Variants in KHDRBS2 observed in about 807,000 individuals in gnomAD.
The protein encoded by KHDRBS2 is KH domain-containing, RNA-binding, signal transduction-associated protein 2.
KHDRBS2 carries 26 observed loss-of-function variants against 44.3 expected under a neutral mutation model. That is an observed-to-expected ratio of 0.59 (90% CI 0.43 to 0.81). The LOEUF is 0.81. Among genes scored for constraint, KHDRBS2 ranks in the 40% least tolerant of loss-of-function variants. The pLI, the probability that KHDRBS2 is intolerant of heterozygous loss-of-function variation, is 0.00. For synonymous variants in KHDRBS2, 194 were observed against 151.1 expected, an observed-to-expected ratio of 1.28 and a Z score of -2.08; for missense variants, 476 against 433.1, an observed-to-expected ratio of 1.10 and a Z score of -0.88.
At chr6:61,696,922 A>T (rs1767970720) in intron 8 of KHDRBS2, among the ~76,000 whole-genome samples, 1 of 152,190 alleles carries the variant, frequency 6.6e-6, no homozygotes, top group African/African-American at 2.4e-5. Flanking sequence ...CAATGAACAC[A>T]GTTAAACATA....
intron 1 of KHDRBS2, among the ~76,000 whole-genome samples, chr6:62,225,084 C>T (rs1311181927): frequency 2.0e-5 from 3 of 152,076 alleles, no homozygotes; most frequent in Non-Finnish European, 4.4e-5. Flanking sequence ...GAAGGTGCTA[C>T]CAGGATCTAG....
intron 2 of KHDRBS2, among the ~76,000 whole-genome samples, chr6:62,062,941 G>C (rs904700360): frequency 6.7e-6 from 1 of 150,298 alleles, no homozygotes; most frequent in Admixed American, 6.6e-5. Flanking sequence ...AAATGATAAA[G>C]GGGATATCAC....
intron 4 of KHDRBS2, among the ~76,000 whole-genome samples, chr6:61,919,761 C>T (rs190229421): frequency 6.6e-6 from 1 of 151,740 alleles, no homozygotes; most frequent in African/African-American, 2.4e-5. Context: ...ACCATCACAC[C>T]TTTCAAATTT....
intron 2 of KHDRBS2, among the ~76,000 whole-genome samples, chr6:62,084,590 T>G (rs1022741575): frequency 1.3e-5 from 2 of 152,146 alleles, no homozygotes; most frequent in African/African-American, 4.8e-5. Context: ...TGGGGCTATC[T>G]CAAGGCATGA....
At chr6:61,826,455 T>C (rs1790876960) in intron 6 of KHDRBS2, among the ~76,000 whole-genome samples, 1 of 152,090 alleles carries the variant, frequency 6.6e-6, no homozygotes, top group Non-Finnish European at 1.5e-5. Flanking sequence ...TGGCTGCTTT[T>C]ACAGATTTCT....
At chr6:61,601,493 T>G in the KHDRBS2 span, among the ~76,000 whole-genome samples, 1 of 152,146 alleles carries the variant, frequency 6.6e-6, no homozygotes, top group African/African-American at 2.4e-5. Flanking sequence ...ATAATGGCAC[T>G]TTCAATTTTT....
intron 1 of KHDRBS2, among the ~76,000 whole-genome samples, chr6:62,190,110 G>A (rs1329906419): frequency 6.6e-6 from 1 of 152,038 alleles, no homozygotes; most frequent in Non-Finnish European, 1.5e-5. Context: ...GAAGTAAGAA[G>A]GGGCAATGAA....
chr6:62,064,423 C>T (rs1562766901), intron 2 of KHDRBS2, among the ~76,000 whole-genome samples: 1 of 147,780 alleles, frequency 6.8e-6, no homozygotes, highest in Admixed American at 6.8e-5. Context: ...GTACTGGTAC[C>T]AAAACAGAGA....
intron 3 of KHDRBS2, among the ~76,000 whole-genome samples, chr6:62,034,462 A>G (rs935368660): frequency 1.3e-5 from 2 of 151,830 alleles, no homozygotes; most frequent in African/African-American, 4.8e-5. Flanking sequence ...CATTAAAAAG[A>G]TCATTCATCA....
chr6:61,622,004 G>C, the KHDRBS2 span, among the ~76,000 whole-genome samples: 1 of 152,194 alleles, frequency 6.6e-6, no homozygotes, highest in Non-Finnish European at 1.5e-5. Flanking sequence ...CAGCCTGAAT[G>C]AGCTTGGAAG....
intron 7 of KHDRBS2, among the ~76,000 whole-genome samples, chr6:61,717,812 T>C (rs1490586393): frequency 6.6e-6 from 1 of 152,084 alleles, no homozygotes. Context: ...GGTCAGAACT[T>C]TTTGCAAAGC....
chr6:61,967,204 CAAAAAAAA>C (rs57036975), intron 4 of KHDRBS2, among the ~76,000 whole-genome samples: 1 of 123,662 alleles, frequency 8.1e-6, no homozygotes, highest in Non-Finnish European at 1.7e-5. Flanking sequence ...ACTATGTTTA[CAAAAAAAA>C]AAAAAAAAAA....
intron 4 of KHDRBS2, among the ~76,000 whole-genome samples, chr6:61,960,819 G>A (rs1312128710): frequency 6.6e-6 from 1 of 152,132 alleles, no homozygotes; most frequent in Non-Finnish European, 1.5e-5. Context: ...ATGAGGTAAA[G>A]AGTAGAAGAA....
intron 2 of KHDRBS2, among the ~76,000 whole-genome samples, chr6:62,054,974 C>A (rs78569446): frequency 0.078 from 11,797 of 151,982 alleles, 496 homozygotes; most frequent in African/African-American, 0.095. Context: ...AAATTAATTC[C>A]TACATCATAA....
chr6:61,732,362 A>G (rs1012007108), intron 7 of KHDRBS2, among the ~76,000 whole-genome samples: 13 of 152,150 alleles, frequency 8.5e-5, no homozygotes, highest in African/African-American at 3.1e-4. Context: ...AGCTACATTG[A>G]ACAAGTGCCT....
chr6:61,796,398 C>G lies in KHDRBS2; in HGVS notation c.811-63634G>C, dbSNP rs570505760. Among the ~76,000 whole-genome samples, 80 of 151,940 alleles carry G rather than the reference C, an allele frequency of 5.3e-4. 2 individuals are homozygous for G. The South Asian group carries it at 0.016, about 31-fold the overall frequency. On this transcript the variant is annotated intron_variant, in intron 6 of 8. Transcript: ENST00000281156. ...GTGCCCTATAGCATTCAACATATAT[C>G]TTTCAGTGATGTACTTATTCAAAAA...
intron 2 of KHDRBS2, among the ~76,000 whole-genome samples, chr6:62,084,175 G>T (rs1797970456): frequency 6.6e-6 from 1 of 152,036 alleles, no homozygotes; most frequent in South Asian, 2.1e-4. Context: ...TGGTATCTTT[G>T]TATAATATTG....
chr6:61,735,869 T>C (rs189988808), intron 6 of KHDRBS2, among the ~76,000 whole-genome samples: 1 of 152,234 alleles, frequency 6.6e-6, no homozygotes, highest in Admixed American at 6.5e-5. Context: ...TATTCCATGT[T>C]AAAGTTGAGA....
At chr6:61,937,105 C>T (rs1811166944) in intron 4 of KHDRBS2, among the ~76,000 whole-genome samples, 1 of 151,898 alleles carries the variant, frequency 6.6e-6, no homozygotes. Flanking sequence ...ATTTTCTCTT[C>T]ATCTCATGGT....
Sources: allele counts gnomAD v4.1 joint callset (sites outside exome capture counted in the v4.1 genomes callset), GRCh38; gene constraint gnomAD v4.1.1; transcripts MANE v1.5; gene names NCBI Gene and HGNC (gene_info 2026-07-23, HGNC 2026-07-21).